The following SIPA1L3 variants were observed in gnomAD, a reference collection of about 807,000 sequenced individuals.
SIPA1L3 encodes the protein signal induced proliferation associated 1 like 3, also known as signal-induced proliferation-associated 1-like protein 3.
Under a neutral mutation model 150.1 loss-of-function variants are expected in SIPA1L3, and 59 were observed. That is an observed-to-expected ratio of 0.39 (90% CI 0.32 to 0.49). The LOEUF is 0.49. Ranked by LOEUF, SIPA1L3 falls within the 20% of genes least tolerant of loss-of-function variation. The pLI is 0.86. For missense variants in SIPA1L3, 2,211 were observed against 2,489.5 expected, an observed-to-expected ratio of 0.89 and a Z score of 2.38; for synonymous variants, 1,070 against 1,077.6, an observed-to-expected ratio of 0.99 and a Z score of 0.14.
Position 38,164,521 on chromosome 19 carries a change from T to G in SIPA1L3, c.3823T>G (p.Ser1275Ala). The change falls in exon 15 of 22, where the codon TCC becomes GCC. Residue 1275 changes from serine to alanine, a missense_variant. By Grantham distance (99) the Ser-to-Ala change is moderately conservative. Coordinates refer to ENST00000222345, the MANE Select transcript of SIPA1L3 (RefSeq NM_015073.3). This position sits in a 1 kb window ranked among gnomAD's most constrained non-coding sequence, Gnocchi z 4.1. ...AAGTCATTCCAGCAGCAACACCCTC[T>G]CCAGCAACGCATCCAGCAGCCACAG... is the stretch of plus-strand genomic sequence containing the variant. ...YSSHSSSNTL[S>A]SNASSSHSDD... is the part of the protein sequence containing the mutation. 1 of 1,613,742 alleles carries G rather than the reference T, an allele frequency of 6.2e-7. No homozygotes were observed.
intron 7 of SIPA1L3, chr19:38,108,567 C>A (rs1431181405): frequency 6.6e-6 from 1 of 152,256 alleles, no homozygotes; most frequent in Non-Finnish European, 1.5e-5. Context: ...AGGAGTTGAG[C>A]TGCAAAGCGT....
chr19:37,989,727 G>A (rs1039047361), intron 1 of SIPA1L3, among the ~76,000 whole-genome samples: 14 of 148,302 alleles, frequency 9.4e-5, no homozygotes, highest in South Asian at 2.1e-4. Context: ...GTGCAATGGC[G>A]TGATCTCAGC....
rs1970278582 is a variant in SIPA1L3 at position 38,092,360 on chromosome 19, A to C, written c.1665+3509A>C. Among the ~76,000 whole-genome samples the C allele has an allele frequency of 7.2e-5, 11 of 151,884 alleles. No homozygotes were observed. In the South Asian group the frequency reaches 2.3e-3, roughly 32 times the overall value. On this transcript the variant is annotated intron_variant, in intron 4 of 21. Coordinates refer to ENST00000222345, the MANE Select transcript of SIPA1L3 (RefSeq NM_015073.3). ...TGTGCACATGTACCCTAGAACTTAA[A>C]GTATAATATTAAAAAAAAAAAAACC... is the stretch of plus-strand genomic sequence containing the variant.
At chr19:38,021,991 C>G (rs1968381936) in intron 1 of SIPA1L3, among the ~76,000 whole-genome samples, 1 of 152,338 alleles carries the variant, frequency 6.6e-6, no homozygotes, top group Admixed American at 6.5e-5. Context: ...TCATTTAGGT[C>G]TTTGACCCAT....
chr19:38,187,900 G>T (rs1972722835), intron 16 of SIPA1L3, among the ~76,000 whole-genome samples: 1 of 151,620 alleles, frequency 6.6e-6, no homozygotes, highest in South Asian at 2.1e-4. Flanking sequence ...GGAGGCTGAG[G>T]CAGGAGAATC....
chr19:37,993,308 C>T (rs925055317), intron 1 of SIPA1L3, among the ~76,000 whole-genome samples: 5 of 152,094 alleles, frequency 3.3e-5, no homozygotes, highest in East Asian at 3.8e-4. Flanking sequence ...TCTCATTGTG[C>T]GTTGGCTGTT....
rs1972169014 is a variant in SIPA1L3, at chr19:38,164,723, G to A, written c.4025G>A (p.Gly1342Asp). 1.2e-6 allele frequency: 2 copies of A among 1,613,918 alleles called. No homozygotes were observed. Among genetic ancestry groups the A allele is most frequent in the African/African-American group, 1.3e-5 (1 of 74,948 alleles). The change falls in exon 15 of 22, where the codon GGC becomes GAC. Residue 1342 changes from glycine (G) to aspartate (D), a missense_variant. Around this residue, in one of 5 missense-constraint regions of SIPA1L3, gnomAD observed 806 missense variants for 870.1 expected, o/e 0.93. Coordinates refer to ENST00000222345, the MANE Select transcript of SIPA1L3 (RefSeq NM_015073.3). The surrounding 1 kb of genome is among the most constrained non-coding windows in gnomAD (Gnocchi z 4.1). ...CCACACAAGCCCCCTGGAAGTATGG[G>A]CCTTTGTGGCGGGGGTCGCGAGGCC... The part of the protein sequence containing the change: ...AKPHKPPGSM[G>D]LCGGGREAAG...
chr19:37,988,503 C>T (rs1341523839), intron 1 of SIPA1L3, among the ~76,000 whole-genome samples: 2 of 152,174 alleles, frequency 1.3e-5, no homozygotes, highest in African/African-American at 4.8e-5. Flanking sequence ...TGGTGAAACC[C>T]TGTCTCTAGT....
At chr19:38,008,254 G>A (rs980756162) in intron 1 of SIPA1L3, among the ~76,000 whole-genome samples, 10 of 122,618 alleles carry the variant, frequency 8.2e-5, no homozygotes, top group Non-Finnish European at 1.3e-4. Context: ...TTGAGATGGA[G>A]TCTTGCTCTG....
chr19:38,167,481 GGGCTGAA>G (rs1972235763), intron 15 of SIPA1L3, among the ~76,000 whole-genome samples: 1 of 152,142 alleles, frequency 6.6e-6, no homozygotes, highest in African/African-American at 2.4e-5. Flanking sequence ...GCCAGGAGAA[GGGCTGAA>G]GGAGGAAAGA....
intron 13 of SIPA1L3, among the ~76,000 whole-genome samples, chr19:38,155,755 T>C (rs1971932490): frequency 6.6e-6 from 1 of 152,116 alleles, no homozygotes; most frequent in Non-Finnish European, 1.5e-5. Flanking sequence ...GCCCCAAGAT[T>C]CGTGGCCTGG....
chr19:38,022,832 G>A (rs972900987), intron 1 of SIPA1L3, among the ~76,000 whole-genome samples: 6 of 152,256 alleles, frequency 3.9e-5, no homozygotes, highest in Non-Finnish European at 8.8e-5. Context: ...AGCCGCACAT[G>A]GGTCTGGGGG....
chr19:38,029,979 C>T (rs892922914), intron 2 of SIPA1L3, among the ~76,000 whole-genome samples: 6 of 151,948 alleles, frequency 3.9e-5, no homozygotes, highest in South Asian at 2.1e-4. Flanking sequence ...CTCAGCCTCC[C>T]GAATAGCTGG....
chr19:38,173,277 C>T (rs750730289), intron 15 of SIPA1L3, among the ~76,000 whole-genome samples: 27 of 152,246 alleles, frequency 1.8e-4, no homozygotes, highest in African/African-American at 3.6e-4. Flanking sequence ...CTCCCTTCCC[C>T]GGGCTGCGGC....
chr19:37,988,619 T>C (rs1443917927), intron 1 of SIPA1L3, among the ~76,000 whole-genome samples: 1 of 151,686 alleles, frequency 6.6e-6, no homozygotes, highest in African/African-American at 2.4e-5. Flanking sequence ...GAGGTTGTAG[T>C]GAGCCGAGAT....
intron 2 of SIPA1L3, among the ~76,000 whole-genome samples, chr19:38,052,283 A>G (rs909326861): frequency 2.0e-5 from 3 of 151,762 alleles, no homozygotes; most frequent in Non-Finnish European, 4.4e-5. Context: ...GAAGGAATTC[A>G]ATACAGGGAA....
chr19:38,001,986 A>G (rs1967817327), intron 1 of SIPA1L3, among the ~76,000 whole-genome samples: 1 of 152,246 alleles, frequency 6.6e-6, no homozygotes, highest in African/African-American at 2.4e-5. Flanking sequence ...TGCACAACTC[A>G]TTTAGTAACC....
rs117587923 is a variant in SIPA1L3, at chr19:37,986,694, G to A, written c.-378-42395G>A. 6.7e-3 allele frequency among the ~76,000 whole-genome samples: 1,014 copies of A among 152,250 alleles called. 10 individuals carry two copies. Among genetic ancestry groups the A allele is most frequent in the Non-Finnish European group, 0.011 (770 of 68,026 alleles). ...CACGAACCCTATTAGAATCAGGTGGGCACTGTTTACAACGTGCCCGTGCCT... is the reference window on the plus strand; with the variant it reads ...CACGAACCCTATTAGAATCAGGTGGACACTGTTTACAACGTGCCCGTGCCT... On this transcript the variant is annotated intron_variant, in intron 1 of 21. Coordinates refer to ENST00000222345, the MANE Select transcript of SIPA1L3 (RefSeq NM_015073.3).
chr19:38,119,711 C>T lies in SIPA1L3; in HGVS notation c.2697C>T (p.Leu899=), dbSNP rs1307792097. The change falls in exon 9 of 22, where the codon CTC becomes CTT. Residue 899 remains leucine (L), a synonymous_variant. Transcript: ENST00000222345. ...ILGISNEFVV[L]LDLRTKEVVF... ...GAATTTCCAATGAGTTTGTGGTGCT[C>T]CTGGACTTACGCACCAAGGAGGTGG... 6.2e-7 allele frequency: 1 copy of T among 1,614,164 alleles called. No individual in the cohort carries two copies. Among genetic ancestry groups the T allele is most frequent in the East Asian group, 2.2e-5 (1 of 44,892 alleles).
Sources: gnomAD v4.1 joint callset for allele counts (sites outside exome capture counted in the v4.1 genomes callset) on GRCh38, gnomAD v4.1.1 for gene constraint, gnomAD v4.1.1 regional missense constraint, Gnocchi (gnomAD v3.1) non-coding constraint, MANE v1.5 for transcripts, NCBI Gene and HGNC (gene_info 2026-07-23, HGNC 2026-07-21) for gene names.